Variants in MARVELD3 observed in about 807,000 individuals in gnomAD.
MARVELD3 encodes MARVEL domain-containing protein 3.
A neutral mutation model predicts 33.5 loss-of-function variants in MARVELD3; 28 were observed. That is an observed-to-expected ratio of 0.84 (90% confidence interval 0.62 to 1.15). The LOEUF (loss-of-function observed/expected upper bound fraction) is 1.15, where lower values mean the gene tolerates loss of function less well. Ranked by LOEUF, MARVELD3 falls within the 50% of genes most tolerant of loss-of-function variation. MARVELD3 has a pLI of 0.00. For missense variants in MARVELD3, 582 were observed against 547.6 expected (o/e 1.06, Z -0.63); for synonymous variants, 241 against 230.4 (o/e 1.05, Z -0.42).
Position 71,626,496 on chromosome 16 carries a change from C to T in MARVELD3, c.267C>T (p.Pro89=). Residue 89 remains proline (P), a synonymous_variant, in exon 1 of 3, where the codon CCC becomes CCT. Transcript: ENST00000268485. The surrounding 1 kb of genome is among the most constrained non-coding windows in gnomAD (Gnocchi z 5.3). ...GGGAAAGAGACCCGGACCGAGGCCC[C>T]CGCCGGGACACACACAGGGACGCGG... ...RERERDPDRG[P]RRDTHRDAGP... is the part of the protein sequence containing the mutation. The T allele has an allele frequency of 1.1e-5, 17 of 1,549,818 alleles. No homozygotes were observed. The highest frequency in any genetic ancestry group is 1.5e-5 in the Non-Finnish European group (17 of 1,146,828).
At chr16:71,639,727 G>T (rs1267380690), downstream of MARVELD3, among the ~76,000 whole-genome samples, 1 of 151,818 alleles carries the variant, frequency 6.6e-6, no homozygotes, top group African/African-American at 2.4e-5. Flanking sequence ...GATTACAGGC[G>T]TGAGCCACTG....
In MARVELD3 at chr16:71,634,845, G is replaced by C. The variant is rs755567535; in HGVS notation, c.*42G>C. The C allele has an allele frequency of 4.6e-6, 7 of 1,535,064 alleles. No homozygotes were observed. In the South Asian group the frequency reaches 7.8e-5, roughly 17 times the overall value. The stretch of plus-strand genomic sequence containing the variant: ...CTGACAGATGCAAGTGGTGGTGGAA[G>C]GTAGTCTGAGCCACTGCCTTTCCCA... On this transcript the variant is annotated 3_prime_UTR_variant, in exon 3 of 3. Coordinates refer to ENST00000268485, the MANE Select transcript of MARVELD3 (RefSeq NM_052858.6).
downstream of MARVELD3, chr16:71,638,365 G>A (rs2044595297): frequency 6.6e-6 from 1 of 152,422 alleles, no homozygotes. Flanking sequence ...TCCTCTTGTA[G>A]GAACTGATCT....
downstream of MARVELD3, chr16:71,640,341 G>A: frequency 6.3e-7 from 1 of 1,592,320 alleles, no homozygotes. Flanking sequence ...CTCTGGCTTG[G>A]CCTGGGTGAG....
At chr16:71,629,253 A>T in intron 1 of MARVELD3, 114 bp from the exon 2 acceptor site, 2 of 1,185,068 alleles carry the variant, frequency 1.7e-6, no homozygotes, top group Non-Finnish European at 1.1e-6. Flanking sequence ...ACCGGGACAA[A>T]TTCTATTTCT....
intron 2 of MARVELD3, among the ~76,000 whole-genome samples, chr16:71,630,162 G>A (rs1196505333): frequency 6.6e-6 from 1 of 152,014 alleles, no homozygotes; most frequent in Non-Finnish European, 1.5e-5. Flanking sequence ...CAAGGTGGGT[G>A]GATCACTTGA....
Position 71,634,975 on chromosome 16 carries a change from C to A in MARVELD3, c.*172C>A, listed in dbSNP as rs2044569837. 7.1e-7 allele frequency: 1 copy of A among 1,401,724 alleles called. No homozygotes were observed. The highest frequency in any genetic ancestry group is 3.0e-5 in the Admixed American group (1 of 33,728). 86.8% of individuals were successfully genotyped at this position (1,401,724 alleles called of 1,614,324 possible). ...CATGGAGCGGTGTTCATGGATGCAA[C>A]AGACCCTGGCTTCTGGAGTCCTCTG... On this transcript the variant is annotated 3_prime_UTR_variant, in exon 3 of 3. Coordinates refer to ENST00000268485, the MANE Select transcript of MARVELD3 (RefSeq NM_052858.6).
At chr16:71,632,862 T>C (rs1264402462) in intron 2 of MARVELD3, among the ~76,000 whole-genome samples, 1 of 152,000 alleles carries the variant, frequency 6.6e-6, no homozygotes, top group African/African-American at 2.4e-5. Context: ...TCTGCCTGCC[T>C]CGGCCTCCCA....
At chr16:71,627,002 A>C (rs925167793) in intron 1 of MARVELD3, among the ~76,000 whole-genome samples, 12 of 152,066 alleles carry the variant, frequency 7.9e-5, no homozygotes, top group Non-Finnish European at 1.5e-4. Flanking sequence ...GGAGGAGACC[A>C]GGCGGGTGGG....
intron 1 of MARVELD3, among the ~76,000 whole-genome samples, chr16:71,627,109 C>A (rs1378176481): frequency 6.6e-6 from 1 of 152,222 alleles, no homozygotes; most frequent in Non-Finnish European, 1.5e-5. Flanking sequence ...CAGCCCTTCC[C>A]GACTCCAAAG....
At chr16:71,637,525 G>C (rs980767344), downstream of MARVELD3, among the ~76,000 whole-genome samples, 4 of 152,142 alleles carry the variant, frequency 2.6e-5, no homozygotes, top group Admixed American at 6.6e-5. Flanking sequence ...TTAGTCTGAC[G>C]TTATTTTCAG....
rs1199907550 is a variant in MARVELD3, at chr16:71,626,375, G to A, written c.146G>A (p.Gly49Glu). Residue 49 changes from glycine to glutamate, a missense_variant, in exon 1 of 3, where the codon GGG (glycine) becomes GAG (glutamate). By Grantham distance (98) the Gly-to-Glu change is moderately conservative (BLOSUM62 -2). Transcript: ENST00000268485. This position sits in a 1 kb window ranked among gnomAD's most constrained non-coding sequence, Gnocchi z 5.3. The stretch of plus-strand genomic sequence containing the variant: ...CCGCGCAGGAAGCGAAGCAGCGACG[G>A]GAACCGGCGAAGGGACGGGGACCGG... ...GDPRRKRSSD[G>E]NRRRDGDRDP... 16 of 1,545,998 alleles carry A rather than the reference G, an allele frequency of 1.0e-5. No individual in the cohort carries two copies. The highest frequency in any genetic ancestry group is 1.3e-5 in the Non-Finnish European group (15 of 1,145,018).
chr16:71,633,747 G>T (rs983860793), intron 2 of MARVELD3, among the ~76,000 whole-genome samples: 2 of 150,756 alleles, frequency 1.3e-5, no homozygotes, highest in Admixed American at 6.6e-5. Context: ...ATGTTGCCCA[G>T]GTTAGTCTCA....
In MARVELD3 at chr16:71,634,565, T is replaced by C; in HGVS notation, c.968T>C (p.Phe323Ser). The C allele has an allele frequency of 6.2e-7, 1 of 1,614,204 alleles. No homozygotes were observed. Among genetic ancestry groups the C allele is most frequent in the Non-Finnish European group, 8.5e-7 (1 of 1,180,040 alleles). Residue 323 changes from phenylalanine (F) to serine (S), a missense_variant, in exon 3 of 3, where the codon TTC becomes TCC. By Grantham distance (155) the Phe-to-Ser change is radical. Coordinates refer to ENST00000268485, the MANE Select transcript of MARVELD3 (RefSeq NM_052858.6). ...IAGGYIPALYFYFHYLSAAYG... is the reference protein window; with the variant it reads ...IAGGYIPALYSYFHYLSAAYG... The stretch of plus-strand genomic sequence containing the variant: ...GGGGGGTACATCCCGGCCTTGTACT[T>C]CTACTTCCACTACCTCTCTGCTGCC...
At position 71,626,963 on chromosome 16, in the gene MARVELD3, G is replaced by GAA. The variant is rs974823940; in HGVS notation, c.467+268_467+269insAA. ...CTGGAGGACCTGGAGAAGAGAAAGA[G>GAA]AGGCCCCGGGACCCGAGAGGGAGGG... On this transcript the variant is annotated intron_variant, in intron 1 of 2. Transcript: ENST00000268485. This position sits in a 1 kb window ranked among gnomAD's most constrained non-coding sequence, Gnocchi z 5.3. 5.5e-5 allele frequency: 22 copies of GAA among 396,860 alleles called. No homozygotes were observed. Among genetic ancestry groups the GAA allele is most frequent in the Non-Finnish European group, 9.7e-5 (22 of 227,526 alleles). 24.6% of individuals were successfully genotyped at this position (396,860 alleles called of 1,614,324 possible). A position where few individuals can be genotyped will look rare whatever the true frequency, so the allele number is the denominator to read the frequency against.
Position 71,634,669 on chromosome 16 carries a change from G to A in MARVELD3, c.1072G>A (p.Gly358Arg), listed in dbSNP as rs2044566720. The change falls in exon 3 of 3, where the codon GGA becomes AGA. Residue 358 changes from glycine to arginine, a missense_variant. Coordinates refer to ENST00000268485, the MANE Select transcript of MARVELD3 (RefSeq NM_052858.6). ...CAGCGGTTTCGGCTGCAGTTTCCACGGAGCAGATATAGGAGCTGGAATCTT... is the reference window on the plus strand; with the variant it reads ...CAGCGGTTTCGGCTGCAGTTTCCACAGAGCAGATATAGGAGCTGGAATCTT... The part of the protein sequence containing the change: ...GYSGFGCSFH[G>R]ADIGAGIFAA... 1.2e-6 allele frequency: 2 copies of A among 1,614,188 alleles called. No homozygotes were observed. The highest frequency in any genetic ancestry group is 1.7e-6 in the Non-Finnish European group (2 of 1,180,042).
chr16:71,633,816 C>A (rs1307699168), intron 2 of MARVELD3, among the ~76,000 whole-genome samples: 1 of 151,830 alleles, frequency 6.6e-6, no homozygotes, highest in Admixed American at 6.6e-5. Context: ...GGATTACAGG[C>A]GTGAGCCACC....
chr16:71,638,283 T>A (rs1808823040), downstream of MARVELD3: 1 of 152,194 alleles, frequency 6.6e-6, no homozygotes, highest in South Asian at 2.1e-4. Flanking sequence ...CAAATATCTA[T>A]CAGTAAGGTC....
At chr16:71,629,210 C>A in intron 1 of MARVELD3, 157 bp from the exon 2 acceptor site, 1 of 797,958 alleles carries the variant, frequency 1.3e-6, no homozygotes, top group Non-Finnish European at 1.8e-6. Flanking sequence ...CCCGTGGGGC[C>A]ACTAAACCAG....
Sources: gnomAD v4.1 joint callset for allele counts (sites outside exome capture counted in the v4.1 genomes callset) on GRCh38, gnomAD v4.1.1 for gene constraint, Gnocchi (gnomAD v3.1) non-coding constraint, MANE v1.5 for transcripts, NCBI Gene and HGNC (gene_info 2026-07-23, HGNC 2026-07-21) for gene names.